Variants in TNS3 observed in about 807,000 individuals in gnomAD.
TNS3 encodes the protein tensin-3.
A neutral mutation model predicts 140.9 loss-of-function variants in TNS3; 45 were observed. The ratio of observed to expected loss-of-function variants is 0.32; its 90% CI spans 0.25 to 0.41. The LOEUF is 0.41. Among genes scored for constraint, TNS3 ranks in the 10% least tolerant of loss-of-function variants. The pLI is 1.00. For synonymous variants in TNS3, 815 were observed against 788.4 expected (o/e 1.03, Z -0.56); for missense variants, 1,716 against 1,906.7 (o/e 0.90, Z 1.86).
At chr7:47,480,300 A>G (rs1797368228) in intron 4 of TNS3, among the ~76,000 whole-genome samples, 3 of 152,228 alleles carry the variant, frequency 2.0e-5, no homozygotes. Context: ...AGGAGGAACC[A>G]CAGGGTGCAC....
intron 1 of TNS3, among the ~76,000 whole-genome samples, chr7:47,551,441 C>G (rs1430513433): frequency 6.6e-6 from 1 of 152,196 alleles, no homozygotes; most frequent in East Asian, 1.9e-4. Context: ...GTGGCTGGAG[C>G]CCTGGGTGTG....
At chr7:47,545,141 A>ATC (rs1554353534) in intron 1 of TNS3, among the ~76,000 whole-genome samples, 1 of 121,970 alleles carries the variant, frequency 8.2e-6, no homozygotes, top group Non-Finnish European at 1.7e-5. Flanking sequence ...GTAAGAGGGC[A>ATC]TTTTTTTTTT....
chr7:47,556,933 G>C (rs544787705), intron 1 of TNS3: 3 of 434,632 alleles, frequency 6.9e-6, no homozygotes, highest in African/African-American at 6.0e-5. Context: ...TTGCAGCCAA[G>C]AGGCCCTACT....
intron 1 of TNS3, chr7:47,581,407 C>A: frequency 6.6e-6 from 1 of 152,054 alleles, no homozygotes; most frequent in Non-Finnish European, 1.5e-5. Context: ...TCCCACCCAC[C>A]AAAGGGAAAG....
At chr7:47,533,377 G>C (rs946178088) in intron 1 of TNS3, among the ~76,000 whole-genome samples, 1 of 149,890 alleles carries the variant, frequency 6.7e-6, no homozygotes, top group African/African-American at 2.5e-5. Context: ...TGATCCATCC[G>C]CCTTGGCCTC....
In TNS3 at chr7:47,303,517, C is replaced by T. The variant is rs992180693; in HGVS notation, c.2890G>A (p.Gly964Ser). The change falls in exon 22 of 31, where the codon GGC becomes AGC. Residue 964 changes from glycine to serine, a missense_variant. Gly to Ser is a moderately conservative substitution (Grantham distance 56). This residue lies in a region of TNS3 where 1,163 missense variants were observed against 1,182.1 expected (regional missense o/e 0.98). Coordinates refer to ENST00000311160, the MANE Select transcript of TNS3 (RefSeq NM_022748.12). ...CTGAGGGGACTTCCGGTGGGCCGGC[C>T]GCTCCCCAGCAGGGAAACCATGGGC... ...PKPMVSLLGSGRPTGSPLSAE... is the reference protein window; with the variant it reads ...PKPMVSLLGSSRPTGSPLSAE... 6.8e-6 allele frequency: 11 copies of T among 1,607,130 alleles called. No individual in the cohort carries two copies. The highest frequency in any genetic ancestry group is 1.1e-5 in the South Asian group (1 of 90,666).
chr7:47,387,691 A>G (rs769001724), intron 16 of TNS3, among the ~76,000 whole-genome samples: 8 of 152,214 alleles, frequency 5.3e-5, no homozygotes, highest in Admixed American at 1.3e-4. Flanking sequence ...AAAGAAGTAG[A>G]TGAGACAGTC....
At chr7:47,432,868 C>T (rs1289977739) in intron 8 of TNS3, among the ~76,000 whole-genome samples, 1 of 152,174 alleles carries the variant, frequency 6.6e-6, no homozygotes, top group Admixed American at 6.5e-5. Flanking sequence ...TGGACTGTTA[C>T]GTTTTAGTGC....
At chr7:47,389,157 C>A (rs1431582804) in intron 16 of TNS3, among the ~76,000 whole-genome samples, 275 of 22,466 alleles carry the variant, frequency 0.012, 44 homozygotes, top group African/African-American at 0.029. Flanking sequence ...GAAGAAGAAG[C>A]AGAAGAAGCA....
intron 20 of TNS3, among the ~76,000 whole-genome samples, chr7:47,321,750 G>A (rs190051739): frequency 1.3e-5 from 2 of 152,246 alleles, no homozygotes; most frequent in Non-Finnish European, 2.9e-5. Context: ...ACAAACACTT[G>A]GGAGTTCAGA....
chr7:47,391,946 C>A (rs1792544988), intron 16 of TNS3, among the ~76,000 whole-genome samples: 1 of 152,172 alleles, frequency 6.6e-6, no homozygotes, highest in African/African-American at 2.4e-5. Context: ...ACACTCTGAG[C>A]CACAGCTGCC....
intron 1 of TNS3, among the ~76,000 whole-genome samples, chr7:47,575,733 G>A (rs1433789183): frequency 6.8e-6 from 1 of 146,632 alleles, no homozygotes; most frequent in Non-Finnish European, 1.5e-5. Context: ...TGAGGCAGGA[G>A]AATGGCGTGA....
intron 12 of TNS3, among the ~76,000 whole-genome samples, 166 bp downstream of exon 12, chr7:47,413,771 C>T (rs1402764986): frequency 5.9e-5 from 9 of 152,056 alleles, no homozygotes; most frequent in South Asian, 2.1e-4. Context: ...TGCTGGAGCA[C>T]GGGCCACGAG....
chr7:47,481,466 T>G (rs1797415639), intron 3 of TNS3, among the ~76,000 whole-genome samples: 2 of 152,056 alleles, frequency 1.3e-5, no homozygotes, highest in Non-Finnish European at 2.9e-5. Flanking sequence ...AACCTCTGAG[T>G]CGGTCCGTGC....
chr7:47,411,678 C>T (rs1793777578), intron 13 of TNS3, 49 bp downstream of exon 13: 2 of 1,554,182 alleles, frequency 1.3e-6, no homozygotes, highest in Non-Finnish European at 1.8e-6. Flanking sequence ...GTCATCACCA[C>T]TGGGAGAGTG....
rs1793078638 is a variant in TNS3, at chr7:47,400,264, T to C, written c.919+129A>G. 35 of 796,698 alleles carry C rather than the reference T, an allele frequency of 4.4e-5. No individual in the cohort carries two copies. In the East Asian group the frequency reaches 8.5e-4, roughly 19 times the overall value. 49.4% of individuals were successfully genotyped at this position (796,698 alleles called of 1,614,324 possible). On this transcript the variant is annotated intron_variant, in intron 15 of 30. Coordinates refer to ENST00000311160, the MANE Select transcript of TNS3 (RefSeq NM_022748.12). ...CACTATCCAATATCCTACATTTAAA[T>C]AAAATTAATCACAGAAATCTCCAAA...
intron 3 of TNS3, among the ~76,000 whole-genome samples, chr7:47,497,752 C>G (rs955861454): frequency 5.3e-5 from 8 of 150,994 alleles, no homozygotes; most frequent in Non-Finnish European, 5.9e-5. Flanking sequence ...TACACTGGAG[C>G]GACGTGTGCC....
At chr7:47,416,688 T>C (rs1424838633) in intron 10 of TNS3, among the ~76,000 whole-genome samples, 1 of 152,114 alleles carries the variant, frequency 6.6e-6, no homozygotes, top group Non-Finnish European at 1.5e-5. Flanking sequence ...CCCACACGCC[T>C]CTCCTGCAGG....
At chr7:47,496,101 G>A (rs923725733) in intron 3 of TNS3, among the ~76,000 whole-genome samples, 4 of 152,166 alleles carry the variant, frequency 2.6e-5, no homozygotes, top group Non-Finnish European at 2.9e-5. Flanking sequence ...GAGAGGAGAG[G>A]ACCCCAGTGA....
Sources: allele counts gnomAD v4.1 joint callset (sites outside exome capture counted in the v4.1 genomes callset), GRCh38; gene constraint gnomAD v4.1.1; regional missense constraint gnomAD v4.1.1; transcripts MANE v1.5; gene names NCBI Gene and HGNC (gene_info 2026-07-23, HGNC 2026-07-21).